Variants in ARHGAP6 observed in about 807,000 individuals in gnomAD.
ARHGAP6 encodes the protein Rho GTPase activating protein 6, also known as rho GTPase-activating protein 6.
A neutral mutation model predicts 55.7 loss-of-function variants in ARHGAP6; 16 were observed. The observed-to-expected ratio is 0.29, with a 90% CI of 0.19 to 0.44. ARHGAP6 has a LOEUF of 0.44. ARHGAP6 is among the 20% of genes least tolerant of loss of function. The probability of loss-of-function intolerance (pLI) is 1.00; values close to 1 mark genes in which losing one functional copy is unlikely to be tolerated. For missense variants in ARHGAP6, 698 were observed against 808.9 expected (o/e 0.86, Z 1.66); for synonymous variants, 382 against 360.9 (o/e 1.06, Z -0.66).
At chrX:11,204,722 C>G (rs1047722142) in intron 2 of ARHGAP6, among the ~76,000 whole-genome samples, 1 of 112,079 alleles carries the variant, frequency 8.9e-6, no homozygotes, top group African/African-American at 3.2e-5. Flanking sequence ...GTCTCTCCAG[C>G]TACCTACTTA....
At position 11,139,121 on chromosome X, in the gene ARHGAP6, C is replaced by T; in HGVS notation, c.2667G>A (p.Lys889=). 23 of 1,205,013 alleles carry T rather than the reference C, an allele frequency of 1.9e-5. No individual in the cohort carries two copies. Among genetic ancestry groups the T allele is most frequent in the Non-Finnish European group, 2.6e-5 (23 of 892,918 alleles). Residue 889 remains lysine, a synonymous_variant, in exon 13 of 13, where the codon AAG becomes AAA. Transcript: ENST00000337414. ...RPPPPYPGPG[K]PAAAAAWIQG... ...GGATCCAGGCTGCCGCTGCCGCGGG[C>T]TTCCCTGGGCCCGGGTATGGAGGCG... is the stretch of plus-strand genomic sequence containing the variant.
chrX:11,612,457 G>C (rs1023538630), intron 1 of ARHGAP6, among the ~76,000 whole-genome samples: 1 of 111,734 alleles, frequency 8.9e-6, no homozygotes, highest in African/African-American at 3.3e-5. Flanking sequence ...AAATTCACAT[G>C]TTAAAACCCA....
Position 11,537,817 on chromosome X carries a change from G to A in ARHGAP6, c.588+126424C>T, listed in dbSNP as rs184321252. ...AACACATTCTATTAGCTATCAGCAT[G>A]ATATTCATTGCACACCATGTGGTCT... On this transcript the variant is annotated intron_variant, in intron 1 of 12. Transcript: ENST00000337414. Among the ~76,000 whole-genome samples, 178 of 111,963 alleles carry A rather than the reference G, an allele frequency of 1.6e-3. 1 individual carries two copies. Among genetic ancestry groups the A allele is most frequent in the African/African-American group, 4.9e-3 (150 of 30,885 alleles).
intron 2 of ARHGAP6, among the ~76,000 whole-genome samples, chrX:11,223,952 A>G (rs2047008814): frequency 8.9e-6 from 1 of 111,968 alleles, no homozygotes; most frequent in African/African-American, 3.2e-5. Context: ...ATCCTTTCAG[A>G]ATGACAGTAA....
chrX:11,269,457 G>T (rs1602991855), intron 1 of ARHGAP6, among the ~76,000 whole-genome samples: 2 of 111,890 alleles, frequency 1.8e-5, no homozygotes, highest in African/African-American at 6.5e-5. Flanking sequence ...CCAATGGTTA[G>T]AAATAGGTAA....
intron 1 of ARHGAP6, among the ~76,000 whole-genome samples, chrX:11,590,848 A>AGG (rs1316000552): frequency 1.9e-5 from 1 of 51,910 alleles, no homozygotes; most frequent in Non-Finnish European, 3.1e-5. Context: ...AAAGAAAAGA[A>AGG]AAGAAAAGAA....
intron 1 of ARHGAP6, among the ~76,000 whole-genome samples, chrX:11,480,645 A>T (rs755962777): frequency 1.8e-5 from 2 of 112,653 alleles, no homozygotes; most frequent in Non-Finnish European, 3.8e-5. Flanking sequence ...CCAAAATGTA[A>T]TGTTAAGTAA....
At position 11,254,668 on chromosome X, in the gene ARHGAP6, G is replaced by A; in HGVS notation, c.628C>T (p.Arg210Trp). 8.4e-7 allele frequency: 1 copy of A among 1,193,298 alleles called. No homozygotes were observed. The highest frequency in any genetic ancestry group is 1.8e-5 in the South Asian group (1 of 54,775). The change falls in exon 2 of 13, where the codon CGG (arginine) becomes TGG (tryptophan). Residue 210 changes from arginine (R) to tryptophan (W), a missense_variant. Physicochemically the swap from Arg to Trp is moderately radical, Grantham distance 101 (BLOSUM62 -3). Around this residue, in one of 3 missense-constraint regions of ARHGAP6, gnomAD observed 322 missense variants for 451.1 expected, o/e 0.71. Transcript: ENST00000337414. ...TWNSMSGRSV[R>W]LRSVPIQSLS... Reference sequence around the variant, plus strand: ...CTCTGGATGGGGACTGACCTCAGCCGTACACTGCGGCCTGACATGCTGTTC... The same window carrying A: ...CTCTGGATGGGGACTGACCTCAGCCATACACTGCGGCCTGACATGCTGTTC...
chrX:11,170,652 G>C (rs2046077647), intron 8 of ARHGAP6, among the ~76,000 whole-genome samples: 1 of 111,920 alleles, frequency 8.9e-6, no homozygotes, highest in Non-Finnish European at 1.9e-5. Flanking sequence ...ATCTGAACTA[G>C]GAAGGAAGAA....
chrX:11,404,917 C>T (rs2049592988), intron 1 of ARHGAP6, among the ~76,000 whole-genome samples: 1 of 111,696 alleles, frequency 9.0e-6, no homozygotes, highest in African/African-American at 3.3e-5. Flanking sequence ...AACAGTTTGT[C>T]TTATAAGCAT....
intron 1 of ARHGAP6, among the ~76,000 whole-genome samples, chrX:11,264,370 C>T (rs888943625): frequency 1.8e-4 from 20 of 112,036 alleles, no homozygotes; most frequent in Non-Finnish European, 9.4e-5. Flanking sequence ...AAACCCAGGG[C>T]TGGGCTAACA....
At chrX:11,401,841 C>A (rs1421877611) in intron 1 of ARHGAP6, among the ~76,000 whole-genome samples, 1 of 112,424 alleles carries the variant, frequency 8.9e-6, no homozygotes, top group Admixed American at 9.4e-5. Context: ...TATATATTTC[C>A]TGTTTTAGAA....
chrX:11,509,611 C>T (rs1274154607), intron 1 of ARHGAP6, among the ~76,000 whole-genome samples: 1 of 112,183 alleles, frequency 8.9e-6, no homozygotes, highest in Non-Finnish European at 1.9e-5. Context: ...TTCACTATTA[C>T]TTTTTAAATT....
At chrX:11,424,647 C>T (rs2049860128) in intron 1 of ARHGAP6, among the ~76,000 whole-genome samples, 1 of 111,864 alleles carries the variant, frequency 8.9e-6, no homozygotes, top group African/African-American at 3.3e-5. Flanking sequence ...CCAGGATGCA[C>T]TCTAGCTCCT....
At chrX:11,254,765 C>T in intron 1 of ARHGAP6, 58 bp from the exon 2 acceptor site, 2 of 1,041,544 alleles carry the variant, frequency 1.9e-6, no homozygotes, top group Non-Finnish European at 2.5e-6. Flanking sequence ...TCACTTACCT[C>T]TCACAAATCT....
chrX:11,294,085 C>T (rs1251133947), intron 1 of ARHGAP6, among the ~76,000 whole-genome samples: 3 of 111,942 alleles, frequency 2.7e-5, no homozygotes, highest in Non-Finnish European at 3.8e-5. Flanking sequence ...ATGAAGATTC[C>T]ATTGAAAGAA....
intron 1 of ARHGAP6, among the ~76,000 whole-genome samples, chrX:11,411,223 A>ATATATATATATATAT (rs2049682938): frequency 3.8e-5 from 3 of 79,469 alleles, no homozygotes; most frequent in Non-Finnish European, 4.8e-5. Context: ...ATATATATAT[A>ATATATATATATATAT]AAATATACAA....
chrX:11,402,409 T>C (rs1569330551), intron 1 of ARHGAP6, among the ~76,000 whole-genome samples: 1 of 111,140 alleles, frequency 9.0e-6, no homozygotes, highest in African/African-American at 3.3e-5. Context: ...AGACTTTATA[T>C]ACTAGATTAA....
intron 1 of ARHGAP6, among the ~76,000 whole-genome samples, chrX:11,296,049 C>T (rs949422771): frequency 8.9e-6 from 1 of 111,745 alleles, no homozygotes; most frequent in African/African-American, 3.3e-5. Flanking sequence ...ATTTTTCTGC[C>T]ATAAAACCGT....
Sources: allele counts gnomAD v4.1 joint callset (sites outside exome capture counted in the v4.1 genomes callset), GRCh38; gene constraint gnomAD v4.1.1; regional missense constraint gnomAD v4.1.1; transcripts MANE v1.5; gene names NCBI Gene and HGNC (gene_info 2026-07-23, HGNC 2026-07-21).